The following MDGA2 variants were observed in gnomAD, a reference collection of about 807,000 sequenced individuals.
MDGA2 encodes MAM domain-containing glycosylphosphatidylinositol anchor protein 2.
A neutral mutation model predicts 117.8 loss-of-function variants in MDGA2; 40 were observed. The observed-to-expected ratio is 0.34, with a 90% CI of 0.26 to 0.44. The LOEUF (loss-of-function observed/expected upper bound fraction) is 0.44. Ranked by LOEUF, MDGA2 falls within the 20% of genes least tolerant of loss-of-function variation. The pLI, the probability that MDGA2 is intolerant of heterozygous loss-of-function variation, is 1.00. For synonymous variants in MDGA2, 452 were observed against 439.0 expected, an observed-to-expected ratio of 1.03 and a Z score of -0.37; for missense variants, 1,123 against 1,250.6, an observed-to-expected ratio of 0.90 and a Z score of 1.54.
chr14:47,128,129 T>G (rs1241891829), intron 5 of MDGA2, among the ~76,000 whole-genome samples: 1 of 152,144 alleles, frequency 6.6e-6, no homozygotes, highest in Non-Finnish European at 1.5e-5. Flanking sequence ...TGGTTATCTT[T>G]GTCTTTAAAG....
chr14:47,165,753 TA>T (rs1466707827), intron 3 of MDGA2, among the ~76,000 whole-genome samples: 4 of 152,292 alleles, frequency 2.6e-5, no homozygotes, highest in African/African-American at 7.2e-5. Flanking sequence ...GAAACTCAGT[TA>T]AAAATAATAT....
chr14:46,852,930 T>C (rs756466034), intron 15 of MDGA2, among the ~76,000 whole-genome samples: 7 of 151,902 alleles, frequency 4.6e-5, no homozygotes, highest in Non-Finnish European at 8.8e-5. Flanking sequence ...CAATATCTGG[T>C]ACCCAATCAA....
intron 1 of MDGA2, among the ~76,000 whole-genome samples, chr14:47,618,608 C>T (rs1253735844): frequency 1.3e-5 from 2 of 152,080 alleles, no homozygotes; most frequent in African/African-American, 2.4e-5. Flanking sequence ...TTCTGAATGC[C>T]GCATCTAATA....
chr14:47,097,270 A>T (rs1880030225), intron 5 of MDGA2, 147 bp from the exon 6 acceptor site: 1 of 754,760 alleles, frequency 1.3e-6, no homozygotes. Flanking sequence ...TCAAATTTAA[A>T]CAAGATTTAA....
intron 1 of MDGA2, among the ~76,000 whole-genome samples, chr14:47,409,485 CTT>C (rs755347503): frequency 2.8e-4 from 43 of 152,274 alleles, no homozygotes; most frequent in Admixed American, 7.8e-4. Context: ...TCTGTTTACT[CTT>C]TCTTTTCTTC....
intron 1 of MDGA2, among the ~76,000 whole-genome samples, chr14:47,380,593 C>A (rs1194587657): frequency 1.3e-5 from 2 of 150,266 alleles, no homozygotes; most frequent in African/African-American, 4.9e-5. Flanking sequence ...AACACCTCTA[C>A]GCAACTAGAA....
At chr14:47,380,876 C>A (rs977784394) in intron 1 of MDGA2, among the ~76,000 whole-genome samples, 1 of 152,070 alleles carries the variant, frequency 6.6e-6, no homozygotes, top group Non-Finnish European at 1.5e-5. Context: ...CCAGCATCAT[C>A]CTGATACCAA....
chr14:47,168,236 CT>C (rs1296781072), intron 3 of MDGA2, among the ~76,000 whole-genome samples: 6 of 141,632 alleles, frequency 4.2e-5, no homozygotes, highest in African/African-American at 1.6e-4. Context: ...CCACTTGCTG[CT>C]TCTCTCTCTC....
At chr14:46,987,572 T>G (rs1365045847) in intron 8 of MDGA2, among the ~76,000 whole-genome samples, 1 of 152,036 alleles carries the variant, frequency 6.6e-6, no homozygotes, top group Non-Finnish European at 1.5e-5. Context: ...AGAAGGAATT[T>G]ACCTTGGTGA....
chr14:47,396,686 A>G (rs1030040951), intron 1 of MDGA2, among the ~76,000 whole-genome samples: 1 of 152,230 alleles, frequency 6.6e-6, no homozygotes, highest in African/African-American at 2.4e-5. Context: ...ATATGAACAG[A>G]CACTTCTCAA....
chr14:47,117,145 G>C (rs1354748544), intron 5 of MDGA2, among the ~76,000 whole-genome samples: 3 of 152,086 alleles, frequency 2.0e-5, no homozygotes, highest in Non-Finnish European at 2.9e-5. Context: ...AAATGGATAA[G>C]TATATGAACA....
At chr14:47,516,007 C>G (rs1398747989) in intron 1 of MDGA2, among the ~76,000 whole-genome samples, 2 of 152,156 alleles carry the variant, frequency 1.3e-5, no homozygotes, top group South Asian at 4.1e-4. Context: ...GAATGAGACT[C>G]TTTATTTCTA....
At chr14:47,603,694 A>T (rs757472928) in intron 1 of MDGA2, among the ~76,000 whole-genome samples, 7 of 151,732 alleles carry the variant, frequency 4.6e-5, no homozygotes, top group Admixed American at 2.0e-4. Flanking sequence ...CCTACCCAGC[A>T]CCCATAGTCT....
chr14:47,429,245 C>T (rs1487349163), intron 1 of MDGA2, among the ~76,000 whole-genome samples: 1 of 150,706 alleles, frequency 6.6e-6, no homozygotes, highest in East Asian at 1.9e-4. Context: ...CAAACAAACC[C>T]CTAAGAAATT....
At chr14:47,555,468 T>C (rs1895665204) in intron 1 of MDGA2, among the ~76,000 whole-genome samples, 1 of 152,160 alleles carries the variant, frequency 6.6e-6, no homozygotes, top group Admixed American at 6.5e-5. Context: ...CTGGGGATAT[T>C]TGATGATGCC....
At chr14:47,403,710 A>G (rs1454086344) in intron 1 of MDGA2, among the ~76,000 whole-genome samples, 2 of 152,118 alleles carry the variant, frequency 1.3e-5, no homozygotes, top group South Asian at 2.1e-4. Flanking sequence ...AGCTTTCCAT[A>G]ATGATGGTGT....
chr14:47,254,574 T>C (rs1365029946), intron 2 of MDGA2, among the ~76,000 whole-genome samples: 1 of 152,166 alleles, frequency 6.6e-6, no homozygotes, highest in Non-Finnish European at 1.5e-5. Flanking sequence ...AAGAAGTCTC[T>C]AGGATGTCCC....
intron 1 of MDGA2, among the ~76,000 whole-genome samples, chr14:47,460,328 T>C (rs1362717302): frequency 6.6e-6 from 1 of 152,102 alleles, no homozygotes; most frequent in Non-Finnish European, 1.5e-5. Flanking sequence ...TAAAGAAGGT[T>C]TGAAATGATT....
chr14:47,599,630 G>T (rs1408217447), intron 1 of MDGA2, among the ~76,000 whole-genome samples: 1 of 151,992 alleles, frequency 6.6e-6, no homozygotes, highest in Non-Finnish European at 1.5e-5. Flanking sequence ...GCGAGTTTCT[G>T]GTCTAAAATT....
Sources: allele counts gnomAD v4.1 joint callset (sites outside exome capture counted in the v4.1 genomes callset), GRCh38; gene constraint gnomAD v4.1.1; transcripts MANE v1.5; gene names NCBI Gene and HGNC (gene_info 2026-07-23, HGNC 2026-07-21).